The following ARB2A variants were observed in gnomAD, a reference collection of about 807,000 sequenced individuals.
ARB2A encodes ARB2 cotranscriptional regulator A.
the ARB2A span, among the ~76,000 whole-genome samples, chr5:93,777,858 T>A: frequency 2.0e-5 from 3 of 152,182 alleles, no homozygotes; most frequent in Non-Finnish European, 4.4e-5. Flanking sequence ...GGCCGAGGAA[T>A]GGCTTTTGAA....
At chr5:93,650,284 G>A in the ARB2A span, among the ~76,000 whole-genome samples, 2 of 152,064 alleles carry the variant, frequency 1.3e-5, no homozygotes, top group South Asian at 4.1e-4. Context: ...GCTATAATGT[G>A]CTAAAAATAG....
the ARB2A span, among the ~76,000 whole-genome samples, chr5:93,783,535 A>G: frequency 6.6e-6 from 1 of 152,176 alleles, no homozygotes; most frequent in Admixed American, 6.5e-5. Context: ...GTGTCAGCTG[A>G]AGAGCCACTA....
the ARB2A span, among the ~76,000 whole-genome samples, chr5:93,722,378 A>G: frequency 6.6e-6 from 1 of 152,122 alleles, no homozygotes; most frequent in African/African-American, 2.4e-5. Flanking sequence ...AACTTACTTT[A>G]TGCACAGTAA....
At chr5:94,072,208 CAGAGATGAAGTTG>C in the ARB2A span, among the ~76,000 whole-genome samples, 4 of 152,014 alleles carry the variant, frequency 2.6e-5, no homozygotes, top group Admixed American at 2.6e-4. Flanking sequence ...TGCCAGGAGA[CAGAGATGAAGTTG>C]GCAGTTGGGG....
chr5:93,974,479 T>C, the ARB2A span, among the ~76,000 whole-genome samples: 3 of 152,140 alleles, frequency 2.0e-5, no homozygotes, highest in Non-Finnish European at 4.4e-5. Flanking sequence ...AAAAGACTTA[T>C]ATAGCCACAC....
At chr5:93,660,653 T>TG in the ARB2A span, among the ~76,000 whole-genome samples, 1 of 152,048 alleles carries the variant, frequency 6.6e-6, no homozygotes, top group Non-Finnish European at 1.5e-5. Context: ...ATTCTTTAGA[T>TG]GAAGGGGAGC....
chr5:93,959,919 C>G, the ARB2A span, among the ~76,000 whole-genome samples: 1 of 151,960 alleles, frequency 6.6e-6, no homozygotes, highest in South Asian at 2.1e-4. Flanking sequence ...GAAATGGAAG[C>G]CTTTCAATAG....
At chr5:93,879,299 T>C in the ARB2A span, among the ~76,000 whole-genome samples, 1 of 152,046 alleles carries the variant, frequency 6.6e-6, no homozygotes, top group African/African-American at 2.4e-5. Context: ...ATCTCTGCTA[T>C]TTTGCAAAAT....
chr5:93,741,344 C>A, the ARB2A span: 8 of 1,611,632 alleles, frequency 5.0e-6, no homozygotes, highest in South Asian at 7.7e-5. Context: ...GCTATCCAGC[C>A]CCGGAATTCG....
At chr5:93,716,747 G>A in the ARB2A span, among the ~76,000 whole-genome samples, 1 of 143,540 alleles carries the variant, frequency 7.0e-6, no homozygotes, top group African/African-American at 2.6e-5. Flanking sequence ...CAAAAGGACA[G>A]GAAACATGAT....
chr5:93,875,090 G>A, the ARB2A span, among the ~76,000 whole-genome samples: 4 of 152,134 alleles, frequency 2.6e-5, no homozygotes, highest in Non-Finnish European at 4.4e-5. Context: ...CTGAGTAGCT[G>A]GGACTATAGC....
chr5:93,744,912 A>C, the ARB2A span, among the ~76,000 whole-genome samples: 2 of 152,212 alleles, frequency 1.3e-5, no homozygotes, highest in Non-Finnish European at 1.5e-5. Context: ...TCCAGTCCCC[A>C]ATGTATTTAT....
the ARB2A span, among the ~76,000 whole-genome samples, chr5:93,933,179 T>C: frequency 6.6e-6 from 1 of 152,230 alleles, no homozygotes; most frequent in African/African-American, 2.4e-5. Flanking sequence ...TGTAGAGAAA[T>C]AGGAACACTT....
At chr5:94,058,874 C>T in the ARB2A span, among the ~76,000 whole-genome samples, 50 of 152,094 alleles carry the variant, frequency 3.3e-4, no homozygotes, top group African/African-American at 1.2e-3. Context: ...GGGGGCAGAA[C>T]TCATGGAAAT....
At chr5:93,625,271 G>A in the ARB2A span, among the ~76,000 whole-genome samples, 1 of 152,160 alleles carries the variant, frequency 6.6e-6, no homozygotes, top group Non-Finnish European at 1.5e-5. Context: ...AATCTCGTAA[G>A]TAGGTAGATT....
chr5:93,691,858 G>C, the ARB2A span, among the ~76,000 whole-genome samples: 1 of 152,162 alleles, frequency 6.6e-6, no homozygotes, highest in Admixed American at 6.5e-5. Flanking sequence ...AGAAGACTGT[G>C]GGGGCCAATA....
At chr5:93,759,041 C>T in the ARB2A span, among the ~76,000 whole-genome samples, 91 of 152,108 alleles carry the variant, frequency 6.0e-4, no homozygotes, top group Non-Finnish European at 9.0e-4. Context: ...TCCAAATAAC[C>T]TCACTAAGAA....
chr5:93,852,607 A>T, the ARB2A span, among the ~76,000 whole-genome samples: 3 of 151,800 alleles, frequency 2.0e-5, no homozygotes, highest in South Asian at 4.2e-4. Context: ...TTAAGTCTTT[A>T]ATCCATCTTG....
chr5:93,712,857 C>T, the ARB2A span, among the ~76,000 whole-genome samples: 1,787 of 152,144 alleles, frequency 0.012, 35 homozygotes, highest in African/African-American at 0.041. Context: ...TAAAAACAGA[C>T]ACATAGACCA....
Sources: allele counts gnomAD v4.1 joint callset (sites outside exome capture counted in the v4.1 genomes callset), GRCh38; gene constraint gnomAD v4.1.1; transcripts MANE v1.5; gene names NCBI Gene and HGNC (gene_info 2026-07-23, HGNC 2026-07-21).